The following RGSL1 variants were observed in gnomAD, a reference collection of about 807,000 sequenced individuals.
RGSL1 encodes regulator of G protein signaling protein-like.
A neutral mutation model predicts 124.7 loss-of-function variants in RGSL1; 97 were observed. The observed-to-expected ratio is 0.78, with a 90% confidence interval of 0.66 to 0.92. The LOEUF is 0.92. RGSL1 is among the 40% of genes least tolerant of loss of function. The pLI is 0.00. For missense variants in RGSL1, 1,233 were observed against 1,288.4 expected (o/e 0.96, Z 0.66); for synonymous variants, 424 against 438.1 (o/e 0.97, Z 0.40).
At chr1:182,498,376 A>C (rs1160049036) in intron 9 of RGSL1, among the ~76,000 whole-genome samples, 1 of 152,172 alleles carries the variant, frequency 6.6e-6, no homozygotes, top group Non-Finnish European at 1.5e-5. Flanking sequence ...TTATTTGAAG[A>C]GCCTCATTCC....
intron 9 of RGSL1, among the ~76,000 whole-genome samples, chr1:182,501,441 C>G (rs1656379764): frequency 6.8e-6 from 1 of 147,776 alleles, no homozygotes; most frequent in Non-Finnish European, 1.5e-5. Flanking sequence ...CCCTCAGCCT[C>G]CCGAATAGCT....
At chr1:182,494,406 A>C (rs1011325643) in intron 9 of RGSL1, among the ~76,000 whole-genome samples, 2 of 152,242 alleles carry the variant, frequency 1.3e-5, no homozygotes, top group Non-Finnish European at 2.9e-5. Context: ...CACTAGCCCC[A>C]TGTGGCCACT....
intron 9 of RGSL1, among the ~76,000 whole-genome samples, chr1:182,520,545 C>T (rs920470311): frequency 6.6e-6 from 1 of 152,118 alleles, no homozygotes; most frequent in Non-Finnish European, 1.5e-5. Context: ...TATAAACTGA[C>T]ATTCCTGGTT....
chr1:182,506,056 A>G (rs539536111), intron 9 of RGSL1, among the ~76,000 whole-genome samples: 74 of 152,336 alleles, frequency 4.9e-4, no homozygotes, highest in Admixed American at 2.0e-3. Context: ...CCCTTGCCTC[A>G]GTCTCAATCT....
At chr1:182,507,680 A>G (rs1392439762) in intron 9 of RGSL1, among the ~76,000 whole-genome samples, 16 of 151,872 alleles carry the variant, frequency 1.1e-4, no homozygotes. Context: ...GAATAGTACT[A>G]CAATGAACAT....
At chr1:182,516,118 C>G (rs550972187) in intron 9 of RGSL1, among the ~76,000 whole-genome samples, 1 of 152,278 alleles carries the variant, frequency 6.6e-6, no homozygotes, top group African/African-American at 2.4e-5. Context: ...GGCTTTACTC[C>G]GGTCCTATGT....
At position 182,451,923 on chromosome 1, in the gene RGSL1, G is replaced by A. The variant is rs150300738; in HGVS notation, c.13+1745G>A. ...CAGATTCCAGAGATAGGTACAAAGA[G>A]AAACCATACAGCATGATCCCCCATT... is the stretch of plus-strand genomic sequence containing the variant. On this transcript the variant is annotated intron_variant, in intron 1 of 21. Coordinates refer to ENST00000294854, the MANE Select transcript of RGSL1 (RefSeq NM_001137669.2). Among the ~76,000 whole-genome samples, 222 of 151,940 alleles carry A rather than the reference G, an allele frequency of 1.5e-3. 2 individuals are homozygous for A. The highest frequency in any genetic ancestry group is 5.1e-3 in the African/African-American group (213 of 41,458).
rs778496907 is a variant in RGSL1 at position 182,551,069 on chromosome 1, C to T, written c.2934-31C>T. 24 of 1,490,892 alleles carry T rather than the reference C, an allele frequency of 1.6e-5. No homozygotes were observed. The South Asian group carries it at 2.3e-4, about 14-fold the overall frequency. The allele number at this position is 1,490,892 out of a possible 1,614,324, so 92.4% of individuals were successfully genotyped here. Reference sequence around the variant, plus strand: ...TCCAGCCCCCTCCACTGGGGGTTCCCTCCTATGACCAGAAGCCATTCTTCC... The same window carrying T: ...TCCAGCCCCCTCCACTGGGGGTTCCTTCCTATGACCAGAAGCCATTCTTCC... On this transcript the variant is annotated intron_variant, in intron 17 of 21. Transcript: ENST00000294854.
At chr1:182,455,505 C>T (rs1355218863) in intron 2 of RGSL1, among the ~76,000 whole-genome samples, 32 of 151,948 alleles carry the variant, frequency 2.1e-4, no homozygotes, top group Non-Finnish European at 4.4e-5. Context: ...TCACTTGAGC[C>T]CAGGAGGCGG....
intron 3 of RGSL1, 103 bp downstream of exon 3, chr1:182,458,496 G>T (rs910918404): frequency 2.1e-5 from 19 of 925,682 alleles, no homozygotes; most frequent in African/African-American, 3.3e-5. Context: ...TGGAGATGGG[G>T]TCTCATTCTG....
At chr1:182,555,063 G>T in intron 20 of RGSL1, 2 of 236,352 alleles carry the variant, frequency 8.5e-6, no homozygotes, top group Non-Finnish European at 1.7e-5. Context: ...TGAAGTCTAG[G>T]GTTTTAGTGT....
upstream of RGSL1, chr1:182,450,100 T>A (rs149323848): frequency 9.0e-5 from 139 of 1,539,774 alleles, 1 homozygote; most frequent in African/African-American, 1.6e-3. Context: ...ACAATGGATA[T>A]AGTTCTATTG....
At chr1:182,485,225 G>T (rs1400156038) in intron 6 of RGSL1, among the ~76,000 whole-genome samples, 1 of 152,136 alleles carries the variant, frequency 6.6e-6, no homozygotes, top group Non-Finnish European at 1.5e-5. Context: ...GCTGATCCAG[G>T]CTCGGGGAGT....
At chr1:182,465,672 AATCT>A (rs1653257011) in intron 4 of RGSL1, among the ~76,000 whole-genome samples, 1 of 152,158 alleles carries the variant, frequency 6.6e-6, no homozygotes, top group African/African-American at 2.4e-5. Flanking sequence ...AGTAATCTAC[AATCT>A]CCTGACAAAG....
rs1343109529 is a variant in RGSL1, at chr1:182,454,090, T to C, written c.96+50T>C. ...AAATATTTCATCAGCAGCTGAATAG[T>C]GAATCTCACAGAGCTGAGTGACTTT... is the stretch of plus-strand genomic sequence containing the variant. On this transcript the variant is annotated intron_variant, in intron 2 of 21. Transcript: ENST00000294854. 6 of 1,082,158 alleles carry C rather than the reference T, an allele frequency of 5.5e-6. No individual in the cohort carries two copies. The Admixed American group carries it at 6.0e-5, about 11-fold the overall frequency. 67.0% of individuals were successfully genotyped at this position (1,082,158 alleles called of 1,614,324 possible).
chr1:182,476,564 C>A (rs1482087991), intron 6 of RGSL1, among the ~76,000 whole-genome samples: 2 of 152,168 alleles, frequency 1.3e-5, no homozygotes, highest in Non-Finnish European at 2.9e-5. Flanking sequence ...TCGGTGTCTA[C>A]CCTTGCCCCT....
chr1:182,459,250 T>C (rs1267906948), intron 3 of RGSL1, among the ~76,000 whole-genome samples: 1 of 152,186 alleles, frequency 6.6e-6, no homozygotes, highest in Non-Finnish European at 1.5e-5. Context: ...CTTTATGCCC[T>C]TTTTCTTTTT....
intron 9 of RGSL1, among the ~76,000 whole-genome samples, chr1:182,506,983 C>CTTTT (rs71127304): frequency 2.2e-3 from 216 of 99,324 alleles, no homozygotes; most frequent in East Asian, 6.2e-3. Context: ...GCTCACCTTT[C>CTTTT]TTTTTTTTTT....
intron 15 of RGSL1, among the ~76,000 whole-genome samples, chr1:182,544,951 T>C (rs921407000): frequency 6.6e-6 from 1 of 152,082 alleles, no homozygotes; most frequent in Non-Finnish European, 1.5e-5. Context: ...ATTCAGCCAC[T>C]ATATGTCTTT....
Sources: gnomAD v4.1 joint callset for allele counts (sites outside exome capture counted in the v4.1 genomes callset) on GRCh38, gnomAD v4.1.1 for gene constraint, MANE v1.5 for transcripts, NCBI Gene and HGNC (gene_info 2026-07-23, HGNC 2026-07-21) for gene names.